BBOX1: variants seen among roughly 807,000 people sequenced by gnomAD.
BBOX1 encodes gamma-butyrobetaine dioxygenase.
Under a neutral mutation model 41.6 loss-of-function variants are expected in BBOX1, and 35 were observed. The observed-to-expected ratio is 0.84, with a 90% CI of 0.64 to 1.11. The LOEUF (loss-of-function observed/expected upper bound fraction) is 1.11. Ranked by LOEUF, BBOX1 falls within the 50% of genes most tolerant of loss-of-function variation. The probability of loss-of-function intolerance (pLI) is 0.00; values close to 1 mark genes in which losing one functional copy is unlikely to be tolerated. For missense variants in BBOX1, 458 were observed against 460.6 expected, an observed-to-expected ratio of 0.99 and a Z score of 0.05; for synonymous variants, 163 against 154.7, an observed-to-expected ratio of 1.05 and a Z score of -0.40.
chr11:27,093,666 T>C (rs931199531), intron 5 of BBOX1, among the ~76,000 whole-genome samples: 1 of 132,564 alleles, frequency 7.5e-6, no homozygotes, highest in South Asian at 2.1e-4. Flanking sequence ...CAGAAAATTA[T>C]TTATTTGTTT....
chr11:27,111,884 T>G (rs1479250846), intron 5 of BBOX1, among the ~76,000 whole-genome samples: 1 of 151,842 alleles, frequency 6.6e-6, no homozygotes, highest in Non-Finnish European at 1.5e-5. Context: ...TTAAAAAGAG[T>G]ATCAGTTTGG....
chr11:27,064,497 G>C (rs1290116998), intron 4 of BBOX1, among the ~76,000 whole-genome samples: 1 of 152,190 alleles, frequency 6.6e-6, no homozygotes, highest in Non-Finnish European at 1.5e-5. Flanking sequence ...CTGACTTGCA[G>C]AGAAATATCT....
chr11:27,061,353 G>C (rs1228128820), intron 4 of BBOX1, among the ~76,000 whole-genome samples: 1 of 152,110 alleles, frequency 6.6e-6, no homozygotes, highest in Admixed American at 6.5e-5. Context: ...TATAAGAACT[G>C]GCTGCTATTT....
intron 4 of BBOX1, among the ~76,000 whole-genome samples, chr11:27,082,122 C>T (rs988628855): frequency 6.6e-6 from 1 of 152,118 alleles, no homozygotes; most frequent in Non-Finnish European, 1.5e-5. Context: ...TGGTGCTAAA[C>T]CATTTATGAG....
At chr11:27,101,391 A>G (rs943212405) in intron 5 of BBOX1, among the ~76,000 whole-genome samples, 1 of 152,132 alleles carries the variant, frequency 6.6e-6, no homozygotes, top group Non-Finnish European at 1.5e-5. Context: ...AATCAAAACT[A>G]ATACCCAATT....
intron 4 of BBOX1, among the ~76,000 whole-genome samples, chr11:27,071,852 C>T (rs1857460559): frequency 6.6e-6 from 1 of 152,046 alleles, no homozygotes; most frequent in African/African-American, 2.4e-5. Flanking sequence ...CAGAAAAGGC[C>T]TTTGACAAAA....
chr11:27,113,987 T>C (rs972081013), intron 5 of BBOX1, among the ~76,000 whole-genome samples: 1 of 151,750 alleles, frequency 6.6e-6, no homozygotes, highest in African/African-American at 2.4e-5. Flanking sequence ...GATGGTATGA[T>C]CTTACATATA....
chr11:27,077,671 A>G lies in BBOX1; in HGVS notation c.335-15497A>G, dbSNP rs144777087. Among the ~76,000 whole-genome samples the G allele has an allele frequency of 4.1e-3, 619 of 150,564 alleles. 3 individuals are homozygous for G. Among genetic ancestry groups the G allele is most frequent in the Middle Eastern group, 0.011 (3 of 282 alleles). On this transcript the variant is annotated intron_variant, in intron 4 of 8. Coordinates refer to ENST00000263182, the MANE Select transcript of BBOX1 (RefSeq NM_003986.3). ...TTTTCTTGACCCTCTTGAATAGAAT[A>G]TTTGTTCTTGAAAAATGTAGAATAT...
At chr11:27,102,554 A>G (rs143212706) in intron 5 of BBOX1, among the ~76,000 whole-genome samples, 148 of 152,070 alleles carry the variant, frequency 9.7e-4, no homozygotes, top group African/African-American at 3.4e-3. Flanking sequence ...GAGTATTATC[A>G]TCAACAAGCA....
At chr11:27,127,220 C>A in intron 8 of BBOX1, 73 bp from the exon 9 acceptor site, 1 of 1,472,024 alleles carries the variant, frequency 6.8e-7, no homozygotes, top group Non-Finnish European at 9.4e-7. Flanking sequence ...CTGTGTTTTG[C>A]ATGTTACATT....
intron 2 of BBOX1, chr11:27,055,137 G>C (rs1856940291): frequency 3.6e-6 from 1 of 276,912 alleles, no homozygotes; most frequent in Admixed American, 4.8e-5. Flanking sequence ...TTTTCTGTGA[G>C]AAAAACAAGG....
At chr11:27,048,398 C>T (rs1851558654) in intron 2 of BBOX1, among the ~76,000 whole-genome samples, 1 of 151,786 alleles carries the variant, frequency 6.6e-6, no homozygotes, top group Non-Finnish European at 1.5e-5. Flanking sequence ...GCATAATGCC[C>T]TTCAGGTTGA....
At chr11:27,100,931 A>T (rs1043886959) in intron 5 of BBOX1, among the ~76,000 whole-genome samples, 1 of 151,884 alleles carries the variant, frequency 6.6e-6, no homozygotes, top group African/African-American at 2.4e-5. Context: ...TGTTATTGGG[A>T]TGGTAGAAAT....
chr11:27,095,373 C>CAT (rs1177135785), intron 5 of BBOX1, among the ~76,000 whole-genome samples: 1 of 132,172 alleles, frequency 7.6e-6, no homozygotes, highest in African/African-American at 3.7e-5. Context: ...TGATTTATTA[C>CAT]GTGTGTTGTT....
intron 4 of BBOX1, among the ~76,000 whole-genome samples, chr11:27,087,614 G>A (rs1048992017): frequency 2.6e-5 from 4 of 152,076 alleles, no homozygotes; most frequent in South Asian, 2.1e-4. Context: ...AACCCAACCC[G>A]CAGTAACTCC....
chr11:27,048,853 C>T lies in BBOX1; in HGVS notation c.-38-6540C>T, dbSNP rs191250805. 3.9e-4 allele frequency among the ~76,000 whole-genome samples: 58 copies of T among 147,486 alleles called. No individual in the cohort carries two copies. The South Asian group carries it at 9.0e-3, about 23-fold the overall frequency. On this transcript the variant is annotated intron_variant, in intron 2 of 8. Coordinates refer to ENST00000263182, the MANE Select transcript of BBOX1 (RefSeq NM_003986.3). ...TGCTGGTGCGCTGCACCCACTAACTCGTCATCTAGCATTAGGTATATCTCC... is the reference window on the plus strand; with the variant it reads ...TGCTGGTGCGCTGCACCCACTAACTTGTCATCTAGCATTAGGTATATCTCC...
intron 8 of BBOX1, among the ~76,000 whole-genome samples, chr11:27,126,062 A>T (rs1859639601): frequency 6.6e-6 from 1 of 152,184 alleles, no homozygotes; most frequent in Non-Finnish European, 1.5e-5. Context: ...TAACACACAC[A>T]AGTGATGCTT....
intron 4 of BBOX1, among the ~76,000 whole-genome samples, chr11:27,079,108 C>T (rs1265262395): frequency 6.6e-6 from 1 of 152,124 alleles, no homozygotes; most frequent in Non-Finnish European, 1.5e-5. Flanking sequence ...GTTTGAGCTC[C>T]CCTTACATGA....
At chr11:27,088,161 T>C (rs1858111219) in intron 4 of BBOX1, among the ~76,000 whole-genome samples, 1 of 152,014 alleles carries the variant, frequency 6.6e-6, no homozygotes, top group Admixed American at 6.6e-5. Context: ...GCTATGGAAG[T>C]ATGTAGTGTG....
Sources: allele counts gnomAD v4.1 joint callset (sites outside exome capture counted in the v4.1 genomes callset), GRCh38; gene constraint gnomAD v4.1.1; transcripts MANE v1.5; gene names NCBI Gene and HGNC (gene_info 2026-07-23, HGNC 2026-07-21).